Variants in AKAP7 observed in about 807,000 individuals in gnomAD.
AKAP7 encodes the protein A-kinase anchoring protein 7, also known as A kinase (PRKA) anchor protein 7.
In AKAP7, 39 loss-of-function variants were observed where a neutral mutation model predicts 39.5. The observed-to-expected ratio is 0.99, with a 90% CI of 0.76 to 1.29. The LOEUF (loss-of-function observed/expected upper bound fraction) is 1.29, where lower values mean the gene tolerates loss of function less well. Among genes scored for constraint, AKAP7 ranks in the 50% most tolerant of loss-of-function variants. The pLI is 0.00. For missense variants in AKAP7, 414 were observed against 407.7 expected (o/e 1.02, Z -0.13); for synonymous variants, 140 against 139.1 (o/e 1.01, Z -0.05).
chr6:131,134,061 T>C (rs1800390147), upstream of AKAP7, among the ~76,000 whole-genome samples: 1 of 152,204 alleles, frequency 6.6e-6, no homozygotes, highest in Middle Eastern at 3.2e-3. Context: ...AACCTCCACC[T>C]CCTGGGCTCC....
intron 7 of AKAP7, among the ~76,000 whole-genome samples, chr6:131,232,915 T>C (rs1385355356): frequency 6.7e-6 from 1 of 150,054 alleles, no homozygotes; most frequent in African/African-American, 2.4e-5. Context: ...ATTATTATTA[T>C]TTATAATAAT....
chr6:131,282,678 CA>C lies in AKAP7; in HGVS notation c.*955del. On this transcript the variant is annotated 3_prime_UTR_variant, in exon 8 of 8. Coordinates refer to ENST00000431975, the MANE Select transcript of AKAP7 (RefSeq NM_016377.4). ...TATTAAGTAGCTCTTTGGTAAACACCAAAGAAGTTTCTGATAGTGTCTGCAC... is the reference window on the plus strand; with the variant it reads ...TATTAAGTAGCTCTTTGGTAAACACCAAGAAGTTTCTGATAGTGTCTGCAC... The C allele has an allele frequency of 7.7e-7, 1 of 1,295,548 alleles. No homozygotes were observed. Among genetic ancestry groups the C allele is most frequent in the Non-Finnish European group, 1.0e-6 (1 of 953,838 alleles). The allele number at this position is 1,295,548 out of a possible 1,614,324, so 80.3% of individuals were successfully genotyped here.
rs185094495 is a variant in AKAP7, at chr6:131,185,376, A to G, written c.590-14085A>G. On this transcript the variant is annotated intron_variant, in intron 5 of 7. Coordinates refer to ENST00000431975, the MANE Select transcript of AKAP7 (RefSeq NM_016377.4). ...GTCTGTGAGGCCAAGAAAGGCAGGC[A>G]CATGCTGTGCTCAGCACAGAGGTGG... The G allele has an allele frequency of 1.2e-4, 63 of 532,734 alleles. No homozygotes were observed. In the African/African-American group the frequency reaches 1.2e-3, roughly 10 times the overall value. The allele number at this position is 532,734 out of a possible 1,614,324, so 33.0% of individuals were successfully genotyped here.
At chr6:131,237,437 G>A (rs1310887384) in intron 7 of AKAP7, among the ~76,000 whole-genome samples, 2 of 152,178 alleles carry the variant, frequency 1.3e-5, no homozygotes, top group East Asian at 3.8e-4. Flanking sequence ...AGTTAGGGAG[G>A]ATTCCCTCTT....
chr6:131,266,096 T>C (rs1813776356), intron 7 of AKAP7, among the ~76,000 whole-genome samples: 2 of 152,138 alleles, frequency 1.3e-5, no homozygotes, highest in Non-Finnish European at 2.9e-5. Flanking sequence ...GCAGCCTCAG[T>C]GGGGCCAACT....
At chr6:131,219,317 T>G (rs1210663045) in intron 6 of AKAP7, among the ~76,000 whole-genome samples, 1 of 152,042 alleles carries the variant, frequency 6.6e-6, no homozygotes, top group Non-Finnish European at 1.5e-5. Flanking sequence ...AATTATCCAT[T>G]TCTCCATTTT....
Position 131,281,718 on chromosome 6 carries a change from A to G in AKAP7, c.1039A>G (p.Arg347Gly), listed in dbSNP as rs1815211404. ...DQNGNDNENN[R>G]K ...GAATGGCAATGACAATGAGAACAAC[A>G]GGAAATGAGCCCGGAACGCAGGCCC... is the stretch of plus-strand genomic sequence containing the variant. Residue 347 changes from arginine (R) to glycine (G), a missense_variant, in exon 8 of 8, where the codon AGG becomes GGG. By Grantham distance (125) the Arg-to-Gly change is moderately radical. Transcript: ENST00000431975. This position sits in a 1 kb window ranked among gnomAD's most constrained non-coding sequence, Gnocchi z 4.0. The G allele has an allele frequency of 1.2e-6, 2 of 1,603,024 alleles. No individual in the cohort carries two copies. Among genetic ancestry groups the G allele is most frequent in the Non-Finnish European group, 1.7e-6 (2 of 1,174,466 alleles).
At chr6:131,173,983 T>C (rs561021517) in intron 5 of AKAP7, among the ~76,000 whole-genome samples, 1 of 152,372 alleles carries the variant, frequency 6.6e-6, no homozygotes. Context: ...CCAGCTTTAA[T>C]ATGAATATAA....
intron 7 of AKAP7, among the ~76,000 whole-genome samples, chr6:131,278,364 C>G (rs550073291): frequency 2.0e-4 from 30 of 152,286 alleles, no homozygotes; most frequent in African/African-American, 7.2e-4. Flanking sequence ...TATAGATCCT[C>G]AGTACACAAT....
At chr6:131,241,530 A>G (rs1393604285) in intron 7 of AKAP7, among the ~76,000 whole-genome samples, 1 of 150,274 alleles carries the variant, frequency 6.7e-6, no homozygotes, top group African/African-American at 2.5e-5. Context: ...CTGTGGCCCA[A>G]TTAAGGGGCT....
At chr6:131,174,294 GTATT>G (rs1804360320) in intron 5 of AKAP7, among the ~76,000 whole-genome samples, 1 of 152,194 alleles carries the variant, frequency 6.6e-6, no homozygotes, top group Admixed American at 6.5e-5. Context: ...GAAGCAACAT[GTATT>G]TATTAATTAT....
chr6:131,210,004 A>G (rs375145225), intron 6 of AKAP7, among the ~76,000 whole-genome samples: 12 of 152,356 alleles, frequency 7.9e-5, no homozygotes, highest in African/African-American at 2.9e-4. Flanking sequence ...AATTATTTGG[A>G]TGGCAAGAAG....
chr6:131,165,043 C>T, intron 3 of AKAP7, 38 bp from the exon 4 acceptor site: 1 of 1,487,516 alleles, frequency 6.7e-7, no homozygotes, highest in Non-Finnish European at 9.0e-7. Context: ...CTTACCTAAT[C>T]ACTGGAATTT....
At chr6:131,143,974 T>C (rs1374714556) in intron 1 of AKAP7, among the ~76,000 whole-genome samples, 7 of 138,708 alleles carry the variant, frequency 5.0e-5, no homozygotes, top group African/African-American at 1.9e-4. Flanking sequence ...TTAACGAGCA[T>C]GCTGCCTTCA....
At chr6:131,184,358 T>C in intron 5 of AKAP7, 2 of 652,084 alleles carry the variant, frequency 3.1e-6, no homozygotes. Context: ...AGATGGAAGC[T>C]TTCTCCTTCA....
intron 7 of AKAP7, among the ~76,000 whole-genome samples, chr6:131,240,173 T>G (rs888108954): frequency 6.6e-6 from 1 of 152,204 alleles, no homozygotes; most frequent in Non-Finnish European, 1.5e-5. Context: ...GGAGGTCCAC[T>G]CCAGACCCTG....
At position 131,152,935 on chromosome 6, in the gene AKAP7, TG is replaced by T. The variant is rs200516498; in HGVS notation, c.152-7122del. On this transcript the variant is annotated intron_variant, in intron 2 of 7. Transcript: ENST00000431975. The stretch of plus-strand genomic sequence containing the variant: ...CGAGGTCAGGAGATTGAGACCATCC[TG>T]GCTAACACGGTGAAACCCCGTCTCT... Among the ~76,000 whole-genome samples, 1,469 of 151,216 alleles carry T rather than the reference TG, an allele frequency of 9.7e-3. 107 individuals are homozygous for T. In the East Asian group the frequency reaches 0.17, roughly 18 times the overall value.
chr6:131,145,366 C>T lies in AKAP7; in HGVS notation c.101C>T (p.Ser34Phe), dbSNP rs61757555. 1.8e-4 allele frequency: 284 copies of T among 1,568,938 alleles called. 2 individuals are homozygous for T. The East Asian group carries it at 6.5e-3, about 36-fold the overall frequency. ...GAATTTGAAGCCAATACTATGGATT[C>T]TCTGGTAGACATGCCATTTGCTACT... ...SEEFEANTMD[S>F]LVDMPFATVD... is the part of the protein sequence containing the mutation. Residue 34 changes from serine to phenylalanine, a missense_variant, in exon 2 of 8, where the codon TCT (serine) becomes TTT (phenylalanine). By Grantham distance (155) the Ser-to-Phe change is radical. Transcript: ENST00000431975.
intron 7 of AKAP7, among the ~76,000 whole-genome samples, chr6:131,246,420 G>A (rs1159968416): frequency 6.6e-6 from 1 of 152,194 alleles, no homozygotes; most frequent in Non-Finnish European, 1.5e-5. Context: ...TATGAACATA[G>A]TATCATATCA....
Sources: gnomAD v4.1 joint callset for allele counts (sites outside exome capture counted in the v4.1 genomes callset) on GRCh38, gnomAD v4.1.1 for gene constraint, Gnocchi (gnomAD v3.1) non-coding constraint, MANE v1.5 for transcripts, NCBI Gene and HGNC (gene_info 2026-07-23, HGNC 2026-07-21) for gene names.